The following PLEKHG7 variants were observed in gnomAD, a reference collection of about 807,000 sequenced individuals.
The protein encoded by PLEKHG7 is pleckstrin homology domain-containing family G member 7.
In PLEKHG7, 77 loss-of-function variants were observed where a neutral mutation model predicts 85.2. The observed-to-expected ratio is 0.90, with a 90% CI of 0.75 to 1.09. The LOEUF (loss-of-function observed/expected upper bound fraction) is 1.09. Ranked by LOEUF, PLEKHG7 falls within the 50% of genes least tolerant of loss-of-function variation. The pLI is 0.00. For synonymous variants in PLEKHG7, 301 were observed against 302.4 expected (o/e 1.00, Z 0.05); for missense variants, 777 against 804.3 (o/e 0.97, Z 0.41).
intron 3 of PLEKHG7, among the ~76,000 whole-genome samples, chr12:92,712,036 C>T (rs923597002): frequency 6.6e-6 from 1 of 152,168 alleles, no homozygotes; most frequent in Non-Finnish European, 1.5e-5. Flanking sequence ...GGTCCCACAC[C>T]ACTGGACCCC....
At chr12:92,752,850 T>C (rs1325992968) in intron 10 of PLEKHG7, among the ~76,000 whole-genome samples, 2 of 152,142 alleles carry the variant, frequency 1.3e-5, no homozygotes, top group Non-Finnish European at 2.9e-5. Flanking sequence ...GGTGCCAGCA[T>C]GGTTAGGGGC....
rs766061030 is a variant in PLEKHG7 at position 92,707,704 on chromosome 12, G to A, written c.530+32G>A. The A allele has an allele frequency of 2.5e-6, 4 of 1,613,750 alleles. No homozygotes were observed. In the South Asian group the frequency reaches 3.3e-5, roughly 13 times the overall value. On this transcript the variant is annotated intron_variant, in intron 3 of 16. Coordinates refer to ENST00000344636, the MANE Select transcript of PLEKHG7 (RefSeq NM_001377329.1). The stretch of plus-strand genomic sequence containing the variant: ...ATGCATTTATTTTCTCCGGTGCTAT[G>A]ACATCTGTTGACTATTTACTATTAG...
At chr12:92,764,814 G>A (rs533699462) in intron 15 of PLEKHG7, among the ~76,000 whole-genome samples, 3 of 152,204 alleles carry the variant, frequency 2.0e-5, no homozygotes, top group East Asian at 1.9e-4. Context: ...AGAAACAGCC[G>A]TTGACCTTGG....
intron 13 of PLEKHG7, among the ~76,000 whole-genome samples, chr12:92,760,936 TTA>T (rs1182539668): frequency 6.6e-6 from 1 of 152,076 alleles, no homozygotes; most frequent in Non-Finnish European, 1.5e-5. Flanking sequence ...CAGCAGAAAT[TTA>T]TGTCTTACAA....
At chr12:92,765,495 G>T (rs1000340126) in intron 15 of PLEKHG7, among the ~76,000 whole-genome samples, 1 of 152,014 alleles carries the variant, frequency 6.6e-6, no homozygotes, top group Non-Finnish European at 1.5e-5. Context: ...CAGGCATGGT[G>T]GCGCACACCT....
chr12:92,709,026 A>G (rs1004886726), intron 3 of PLEKHG7, among the ~76,000 whole-genome samples: 3 of 152,230 alleles, frequency 2.0e-5, no homozygotes, highest in Non-Finnish European at 4.4e-5. Flanking sequence ...AATTATGTTT[A>G]GAGTCGAATT....
intron 10 of PLEKHG7, among the ~76,000 whole-genome samples, chr12:92,746,551 G>A (rs1467329850): frequency 6.6e-6 from 1 of 152,184 alleles, no homozygotes; most frequent in African/African-American, 2.4e-5. Context: ...ATTTCCAAAT[G>A]CATGAATAAT....
At chr12:92,724,518 C>T (rs187156791) in intron 3 of PLEKHG7, among the ~76,000 whole-genome samples, 135 of 152,230 alleles carry the variant, frequency 8.9e-4, no homozygotes, top group African/African-American at 2.8e-3. Context: ...GTAAGGATAG[C>T]ATTTGCCTGG....
chr12:92,767,664 T>G (rs998013548), intron 15 of PLEKHG7, among the ~76,000 whole-genome samples: 1 of 152,188 alleles, frequency 6.6e-6, no homozygotes, highest in Admixed American at 6.5e-5. Context: ...GATACTGGGG[T>G]AGTTCTTGCA....
At chr12:92,739,110 C>G (rs1205378439) in intron 7 of PLEKHG7, among the ~76,000 whole-genome samples, 3 of 152,222 alleles carry the variant, frequency 2.0e-5, no homozygotes, top group Non-Finnish European at 1.5e-5. Context: ...TGGCATTAGC[C>G]ACATCCTATG....
chr12:92,768,831 T>TA (rs1043480506), intron 15 of PLEKHG7, 152 bp from the exon 16 acceptor site: 244 of 521,222 alleles, frequency 4.7e-4, no homozygotes, highest in South Asian at 5.1e-4. Context: ...AAATAAAATT[T>TA]AAAAAAAAAT....
Position 92,754,199 on chromosome 12 carries a change from G to A in PLEKHG7, c.1361G>A (p.Arg454Lys), listed in dbSNP as rs764939176. 8 of 1,613,904 alleles carry A rather than the reference G, an allele frequency of 5.0e-6. No homozygotes were observed. In the African/African-American group the frequency reaches 8.0e-5, roughly 16 times the overall value. Residue 454 changes from arginine to lysine, a missense_variant, in exon 11 of 17, where the codon AGG (arginine) becomes AAG (lysine). Arg to Lys is a conservative substitution (Grantham distance 26). Around this residue, in one of 3 missense-constraint regions of PLEKHG7, gnomAD observed 520 missense variants for 544.0 expected, o/e 0.96. Transcript: ENST00000344636. The stretch of plus-strand genomic sequence containing the variant: ...TTGTTGCTGAAGAATATCTGGAAAA[G>A]GAGCATGGACTCTGCTGAGAAAATC... ...YPLLLKNIWK[R>K]SMDSAEKIMI...
chr12:92,718,321 T>C (rs1373998912), intron 3 of PLEKHG7, among the ~76,000 whole-genome samples: 1 of 152,238 alleles, frequency 6.6e-6, no homozygotes, highest in East Asian at 1.9e-4. Flanking sequence ...CAGCATCAGC[T>C]CATCTGTTAG....
In PLEKHG7 at chr12:92,706,497, T is replaced by A; in HGVS notation, c.-135T>A. The A allele has an allele frequency of 8.9e-7, 1 of 1,128,082 alleles. No individual in the cohort carries two copies. Among genetic ancestry groups the A allele is most frequent in the Middle Eastern group, 2.1e-4 (1 of 4,720 alleles). The allele number at this position is 1,128,082 out of a possible 1,614,324, so 69.9% of individuals were successfully genotyped here. A position where few individuals can be genotyped will look rare whatever the true frequency, so the allele number is the denominator to read the frequency against. ...TGCAATAACCTGCTTGACATTCTCCTCTGGAAAAGGAAAAGAACTACGAGA... is the reference window on the plus strand; with the variant it reads ...TGCAATAACCTGCTTGACATTCTCCACTGGAAAAGGAAAAGAACTACGAGA... On this transcript the variant is annotated 5_prime_UTR_variant, in exon 2 of 17. Transcript: ENST00000344636.
chr12:92,743,709 G>A (rs866014510), intron 9 of PLEKHG7, among the ~76,000 whole-genome samples: 37 of 152,096 alleles, frequency 2.4e-4, no homozygotes, highest in Admixed American at 2.1e-3. Flanking sequence ...AGAGGTGTGC[G>A]CCACCATGCC....
intron 10 of PLEKHG7, among the ~76,000 whole-genome samples, chr12:92,748,079 T>G (rs1305940867): frequency 6.6e-6 from 1 of 152,174 alleles, no homozygotes; most frequent in African/African-American, 2.4e-5. Context: ...ATAATTATGG[T>G]TATGGCTATC....
intron 3 of PLEKHG7, among the ~76,000 whole-genome samples, chr12:92,711,072 C>A (rs1012802755): frequency 1.3e-5 from 2 of 152,186 alleles, no homozygotes; most frequent in Non-Finnish European, 2.9e-5. Context: ...TGGCTGCAGC[C>A]CATAAATCAG....
intron 3 of PLEKHG7, among the ~76,000 whole-genome samples, chr12:92,713,270 T>C (rs577564174): frequency 1.8e-4 from 27 of 152,340 alleles, no homozygotes; most frequent in African/African-American, 6.5e-4. Context: ...TGATTCTGTT[T>C]TTACAATTCA....
At chr12:92,758,585 G>T (rs890473186) in intron 13 of PLEKHG7, among the ~76,000 whole-genome samples, 4 of 152,238 alleles carry the variant, frequency 2.6e-5, no homozygotes, top group Non-Finnish European at 5.9e-5. Flanking sequence ...GTATGGGTTG[G>T]AAGCTCACCT....
Sources: allele counts gnomAD v4.1 joint callset (sites outside exome capture counted in the v4.1 genomes callset), GRCh38; gene constraint gnomAD v4.1.1; regional missense constraint gnomAD v4.1.1; transcripts MANE v1.5; gene names NCBI Gene and HGNC (gene_info 2026-07-23, HGNC 2026-07-21).